Variants in ACCSL observed in about 807,000 individuals in gnomAD.
ACCSL encodes probable inactive 1-aminocyclopropane-1-carboxylate synthase-like protein 2.
Under a neutral mutation model 61.7 loss-of-function variants are expected in ACCSL, and 55 were observed. That is an observed-to-expected ratio of 0.89 (90% confidence interval 0.72 to 1.12). ACCSL has a LOEUF of 1.12. Ranked by LOEUF, ACCSL falls within the 50% of genes most tolerant of loss-of-function variation. The pLI is 0.00. For synonymous variants in ACCSL, 258 were observed against 264.3 expected (o/e 0.98, Z 0.23); for missense variants, 632 against 698.0 (o/e 0.91, Z 1.07).
the ACCSL span, among the ~76,000 whole-genome samples, chr11:43,978,319 C>T: frequency 7.9e-5 from 12 of 152,212 alleles, no homozygotes; most frequent in Admixed American, 5.9e-4. Context: ...CTCTAGGAAG[C>T]TCTTGCTCAA....
At chr11:44,021,673 T>TGG in the ACCSL span, among the ~76,000 whole-genome samples, 1 of 152,242 alleles carries the variant, frequency 6.6e-6, no homozygotes, top group Non-Finnish European at 1.5e-5. Context: ...TTTGGGTTCT[T>TGG]GGTCATGAAC....
the ACCSL span, among the ~76,000 whole-genome samples, chr11:44,017,708 G>A: frequency 6.6e-6 from 1 of 152,178 alleles, no homozygotes; most frequent in Non-Finnish European, 1.5e-5. Flanking sequence ...TTGAAAGTGG[G>A]CATCATAAGA....
chr11:44,018,718 A>C, the ACCSL span, among the ~76,000 whole-genome samples: 1 of 152,246 alleles, frequency 6.6e-6, no homozygotes, highest in Non-Finnish European at 1.5e-5. Context: ...CTGTAATCTC[A>C]GCACATTGGG....
the ACCSL span, among the ~76,000 whole-genome samples, chr11:43,986,963 G>A: frequency 6.6e-6 from 1 of 152,186 alleles, no homozygotes; most frequent in African/African-American, 2.4e-5. Flanking sequence ...AAGAGCCAGA[G>A]ACAGTGTGAT....
the ACCSL span, among the ~76,000 whole-genome samples, chr11:44,039,165 A>C: frequency 6.6e-6 from 1 of 152,148 alleles, no homozygotes; most frequent in Non-Finnish European, 1.5e-5. Flanking sequence ...GCAGGACAGG[A>C]TGGGGGATAT....
At chr11:43,984,092 G>A in the ACCSL span, among the ~76,000 whole-genome samples, 1 of 152,018 alleles carries the variant, frequency 6.6e-6, no homozygotes, top group Non-Finnish European at 1.5e-5. Flanking sequence ...ACTCCAGCCT[G>A]GGTGACAGAG....
chr11:43,949,484 T>C, the ACCSL span, among the ~76,000 whole-genome samples: 2 of 152,352 alleles, frequency 1.3e-5, no homozygotes, highest in African/African-American at 4.8e-5. Context: ...ACCTGCCTTC[T>C]ATTTTATTTC....
rs1952612893 is a variant in ACCSL, at chr11:44,048,291, G to A, written c.255G>A (p.Gly85=). 6.2e-7 allele frequency: 1 copy of A among 1,614,110 alleles called. No homozygotes were observed. Among genetic ancestry groups the A allele is most frequent in the Non-Finnish European group, 8.5e-7 (1 of 1,180,028 alleles). Residue 85 remains glycine, a synonymous_variant, in exon 1 of 14, where the codon GGG becomes GGA. Transcript: ENST00000378832. ...GGATGATCAACCTCCTACAGTCTGG[G>A]GCCGCGAGTGGCCTGGAGCTCCAAG... is the stretch of plus-strand genomic sequence containing the variant. ...ICRMINLLQS[G]AASGLELQVP... is the part of the protein sequence containing the mutation.
At chr11:44,009,575 C>T in the ACCSL span, among the ~76,000 whole-genome samples, 2 of 151,900 alleles carry the variant, frequency 1.3e-5, no homozygotes, top group East Asian at 2.0e-4. Context: ...AGACCAGCCT[C>T]GGCGACATAG....
chr11:43,966,833 C>T, the ACCSL span, among the ~76,000 whole-genome samples: 1 of 152,186 alleles, frequency 6.6e-6, no homozygotes, highest in Admixed American at 6.5e-5. Flanking sequence ...CCTGGCACAT[C>T]TATCACCTTT....
the ACCSL span, among the ~76,000 whole-genome samples, chr11:43,981,295 A>G: frequency 6.6e-6 from 1 of 152,134 alleles, no homozygotes; most frequent in Non-Finnish European, 1.5e-5. Context: ...CAGCTCCTAG[A>G]GGGCACAACT....
At chr11:44,042,626 GT>G in the ACCSL span, among the ~76,000 whole-genome samples, 19 of 40,340 alleles carry the variant, frequency 4.7e-4, no homozygotes, top group African/African-American at 1.7e-3. Context: ...CTTCCTGGTT[GT>G]TTTTTTTTTG....
intron 2 of ACCSL, 58 bp downstream of exon 2, chr11:44,050,179 G>T: frequency 7.0e-7 from 1 of 1,438,462 alleles, no homozygotes; most frequent in Non-Finnish European, 9.8e-7. Context: ...TCCCCCTAGC[G>T]TGCTCCTGAG....
chr11:43,980,475 C>G, the ACCSL span, among the ~76,000 whole-genome samples: 1 of 151,516 alleles, frequency 6.6e-6, no homozygotes, highest in African/African-American at 2.4e-5. Flanking sequence ...TTTACATAAT[C>G]GAATTATTGT....
chr11:44,003,620 G>A, the ACCSL span, among the ~76,000 whole-genome samples: 2 of 148,292 alleles, frequency 1.3e-5, no homozygotes, highest in Non-Finnish European at 3.0e-5. Context: ...TCCAGTCTGG[G>A]CAACAGAGTG....
At chr11:44,042,991 G>A (rs1270399718), upstream of ACCSL, among the ~76,000 whole-genome samples, 1 of 151,764 alleles carries the variant, frequency 6.6e-6, no homozygotes, top group East Asian at 1.9e-4. Context: ...GCTGAGGTGG[G>A]AGGATTGCTT....
chr11:43,988,920 GC>G, the ACCSL span, among the ~76,000 whole-genome samples: 11 of 147,644 alleles, frequency 7.5e-5, no homozygotes, highest in Non-Finnish European at 1.5e-4. Context: ...ATAGGTACAT[GC>G]CACCACACCC....
At chr11:43,974,808 C>T in the ACCSL span, among the ~76,000 whole-genome samples, 14 of 152,312 alleles carry the variant, frequency 9.2e-5, no homozygotes, top group South Asian at 2.9e-3. Flanking sequence ...TCCTCCCACC[C>T]CAGACAAGCC....
the ACCSL span, among the ~76,000 whole-genome samples, chr11:43,948,427 C>A: frequency 6.6e-6 from 1 of 152,104 alleles, no homozygotes; most frequent in Non-Finnish European, 1.5e-5. Context: ...TTTTCTTGAC[C>A]AATGCTACAC....
Sources: gnomAD v4.1 joint callset for allele counts (sites outside exome capture counted in the v4.1 genomes callset) on GRCh38, gnomAD v4.1.1 for gene constraint, MANE v1.5 for transcripts, NCBI Gene and HGNC (gene_info 2026-07-23, HGNC 2026-07-21) for gene names.